ZKSCAN1: variants seen among roughly 807,000 people sequenced by gnomAD.
ZKSCAN1 encodes zinc finger protein with KRAB and SCAN domains 1.
ZKSCAN1 carries 14 observed loss-of-function variants against 51.6 expected under a neutral mutation model. The ratio of observed to expected loss-of-function variants is 0.27; its 90% CI spans 0.18 to 0.42. The LOEUF is 0.42. ZKSCAN1 is among the 10% of genes least tolerant of loss of function. ZKSCAN1 has a pLI of 1.00. For synonymous variants in ZKSCAN1, 263 were observed against 261.5 expected, an observed-to-expected ratio of 1.01 and a Z score of -0.06; for missense variants, 531 against 710.0, an observed-to-expected ratio of 0.75 and a Z score of 2.86.
At chr7:100,017,991 A>G (rs1790440767) in intron 1 of ZKSCAN1, among the ~76,000 whole-genome samples, 1 of 152,234 alleles carries the variant, frequency 6.6e-6, no homozygotes, top group South Asian at 2.1e-4. Flanking sequence ...TGCCTACTAA[A>G]TGCCAGGCAC....
Position 100,029,845 on chromosome 7 carries a change from C to G in ZKSCAN1, c.581-16C>G, listed in dbSNP as rs1330932509. 1.2e-6 allele frequency: 2 copies of G among 1,613,104 alleles called. No homozygotes were observed. The highest frequency in any genetic ancestry group is 2.2e-5 in the South Asian group (2 of 90,978). On this transcript the variant is annotated splice_polypyrimidine_tract_variant and intron_variant, in intron 3 of 5. Transcript: ENST00000324306. The stretch of plus-strand genomic sequence containing the variant: ...AGCGGAGCTGATTTACTCACAGACC[C>G]TTTCTCCTCCCCCAGCTCTTCCTGC...
chr7:100,045,281 C>T (rs956438765), downstream of ZKSCAN1, among the ~76,000 whole-genome samples: 5 of 151,754 alleles, frequency 3.3e-5, no homozygotes, highest in African/African-American at 1.2e-4. Context: ...GGTGCGGTGG[C>T]TCACGCCTGT....
In ZKSCAN1 at chr7:100,036,510, A is replaced by C; in HGVS notation, c.*2313A>C. 1.1e-6 allele frequency: 1 copy of C among 932,040 alleles called. No individual in the cohort carries two copies. Among genetic ancestry groups the C allele is most frequent in the South Asian group, 4.9e-5 (1 of 20,252 alleles). 57.7% of individuals were successfully genotyped at this position (932,040 alleles called of 1,614,324 possible). The stretch of plus-strand genomic sequence containing the variant: ...GGTGAGCGGATCACCTGAGGTCAGG[A>C]GTTTTGAGACCAGCCTGGCCAACAT... On this transcript the variant is annotated 3_prime_UTR_variant, in exon 6 of 6. Coordinates refer to ENST00000324306, the MANE Select transcript of ZKSCAN1 (RefSeq NM_003439.4).
At chr7:100,024,516 C>T in intron 3 of ZKSCAN1, 1 of 605,870 alleles carries the variant, frequency 1.7e-6, no homozygotes. Flanking sequence ...ATTGCTTGAG[C>T]CCAGGAGGTT....
In ZKSCAN1 at chr7:100,024,260, C is replaced by T. The variant is rs1362136260; in HGVS notation, c.533C>T (p.Ser178Phe). The T allele has an allele frequency of 6.2e-7, 1 of 1,614,040 alleles. No homozygotes were observed. Among genetic ancestry groups the T allele is most frequent in the Admixed American group, 1.7e-5 (1 of 59,994 alleles). The change falls in exon 3 of 6, where the codon TCC becomes TTC. Residue 178 changes from serine (S) to phenylalanine (F), a missense_variant. Transcript: ENST00000324306. ...GACCTTCATCACGAGGCCACCCAGTCCCACTTCAAACATTCGTCTCGGAAA... is the reference window on the plus strand; with the variant it reads ...GACCTTCATCACGAGGCCACCCAGTTCCACTTCAAACATTCGTCTCGGAAA... Reference protein sequence around the residue: ...SFDLHHEATQSHFKHSSRKPR... With the variant: ...SFDLHHEATQFHFKHSSRKPR...
In ZKSCAN1 at chr7:100,041,532, TAGTC is replaced by T. The variant is rs144897158; in HGVS notation, c.*7339_*7342del. The T allele has an allele frequency of 3.6e-3, 3,523 of 985,412 alleles. 99 individuals are homozygous for T. In the African/African-American group the frequency reaches 0.058, roughly 16 times the overall value. The allele number at this position is 985,412 out of a possible 1,614,324, so 61.0% of individuals were successfully genotyped here. A position where few individuals can be genotyped will look rare whatever the true frequency, so the allele number is the denominator to read the frequency against. On this transcript the variant is annotated 3_prime_UTR_variant, in exon 6 of 6. Transcript: ENST00000324306. The stretch of plus-strand genomic sequence containing the variant: ...GCATAATGAAATGTGTACACATACA[TAGTC>T]AGTGGTCCATTTTAGGAAGCCAGTG...
At chr7:100,030,121 T>G (rs1385627156) in intron 4 of ZKSCAN1, 128 bp from the exon 5 acceptor site, 1 of 1,472,864 alleles carries the variant, frequency 6.8e-7, no homozygotes, top group Non-Finnish European at 9.3e-7. Context: ...CACCCCCAGG[T>G]TCTGGCCACC....
intron 1 of ZKSCAN1, among the ~76,000 whole-genome samples, chr7:100,017,226 AATTT>A (rs1790406169): frequency 2.6e-5 from 4 of 151,966 alleles, no homozygotes; most frequent in Admixed American, 2.6e-4. Context: ...TTTAAAAAAA[AATTT>A]TTTTTTTTTT....
At chr7:100,031,365 C>A (rs1258231717) in intron 5 of ZKSCAN1, among the ~76,000 whole-genome samples, 1 of 149,678 alleles carries the variant, frequency 6.7e-6, no homozygotes, top group African/African-American at 2.5e-5. Flanking sequence ...GCAGCCTCGA[C>A]CTCTCAGGCT....
At chr7:100,021,116 C>CTTTTTTTTTTTTTTTTTTTTTTTTTTTTT (rs60632908) in intron 1 of ZKSCAN1, among the ~76,000 whole-genome samples, 1 of 85,292 alleles carries the variant, frequency 1.2e-5, no homozygotes, top group African/African-American at 4.3e-5. Context: ...TTTTTTTTTC[C>CTTTTTTTTTTTTTTTTTTTTTTTTTTTTT]TTTTTTTTTT....
intron 1 of ZKSCAN1, among the ~76,000 whole-genome samples, chr7:100,022,560 A>G (rs936950104): frequency 1.3e-5 from 2 of 152,170 alleles, no homozygotes; most frequent in South Asian, 4.1e-4. Flanking sequence ...ATCATCTTGT[A>G]CTTTGGAAAC....
chr7:100,036,728 A>G lies in ZKSCAN1; in HGVS notation c.*2531A>G. On this transcript the variant is annotated 3_prime_UTR_variant, in exon 6 of 6. Coordinates refer to ENST00000324306, the MANE Select transcript of ZKSCAN1 (RefSeq NM_003439.4). ...AAAACTCCATCTCAAAAAAAAAAAA[A>G]AGAAAGAAAGAAACTGAAAAGTGAG... is the stretch of plus-strand genomic sequence containing the variant. 1 of 981,714 alleles carries G rather than the reference A, an allele frequency of 1.0e-6. No homozygotes were observed. The highest frequency in any genetic ancestry group is 1.8e-5 in the African/African-American group (1 of 56,600). 60.8% of individuals were successfully genotyped at this position (981,714 alleles called of 1,614,324 possible).
In ZKSCAN1 at chr7:100,035,483, A is replaced by C. The variant is rs534255837; in HGVS notation, c.*1286A>C. 3.9e-5 allele frequency: 6 copies of C among 152,148 alleles called. No homozygotes were observed. Among genetic ancestry groups the C allele is most frequent in the Admixed American group, 1.3e-4 (2 of 15,260 alleles). The allele number at this position is 152,148 out of a possible 1,614,324, so 9.4% of individuals were successfully genotyped here. ...AATTCTTTGCAGTTAGCTGCTGAAC[A>C]GTATGATGATTTGGGGATTTTCTGA... On this transcript the variant is annotated 3_prime_UTR_variant, in exon 6 of 6. Transcript: ENST00000324306.
In ZKSCAN1 at chr7:100,038,179, G is replaced by A; in HGVS notation, c.*3982G>A. The A allele has an allele frequency of 1.0e-6, 1 of 985,368 alleles. No homozygotes were observed. The allele number at this position is 985,368 out of a possible 1,614,324, so 61.0% of individuals were successfully genotyped here. Reference sequence around the variant, plus strand: ...TCTATATATTTTATATGACCATAATGTCCGTGTGTGTTTTGTACCTTCAGT... The same window carrying A: ...TCTATATATTTTATATGACCATAATATCCGTGTGTGTTTTGTACCTTCAGT... On this transcript the variant is annotated 3_prime_UTR_variant, in exon 6 of 6. Transcript: ENST00000324306.
chr7:100,033,822 C>T lies in ZKSCAN1; in HGVS notation c.1317C>T (p.Gly439=), dbSNP rs776229204. 6.2e-7 allele frequency: 1 copy of T among 1,614,202 alleles called. No homozygotes were observed. The highest frequency in any genetic ancestry group is 8.5e-7 in the Non-Finnish European group (1 of 1,180,036). The change falls in exon 6 of 6, where the codon GGC becomes GGT. Residue 439 remains glycine (G), a synonymous_variant. Coordinates refer to ENST00000324306, the MANE Select transcript of ZKSCAN1 (RefSeq NM_003439.4). The surrounding 1 kb of genome is among the most constrained non-coding windows in gnomAD (Gnocchi z 4.1). The part of the protein sequence containing the change: ...GEKPHECNEC[G]KAFSHSSNLI... Reference sequence around the variant, plus strand: ...AACCTCATGAATGTAACGAGTGTGGCAAGGCCTTCAGCCACAGTTCCAATC... The same window carrying T: ...AACCTCATGAATGTAACGAGTGTGGTAAGGCCTTCAGCCACAGTTCCAATC...
downstream of ZKSCAN1, among the ~76,000 whole-genome samples, chr7:100,044,541 C>T (rs891368249): frequency 1.3e-5 from 2 of 151,810 alleles, no homozygotes; most frequent in Non-Finnish European, 2.9e-5. Context: ...ATTAGCCAGG[C>T]GTGGTGGCGG....
Position 100,023,487 on chromosome 7 carries a change from A to C in ZKSCAN1, c.-20A>C, listed in dbSNP as rs1790676829. Reference sequence around the variant, plus strand: ...GTGAGCACAGACCCTGTTTGGATCAAGTCAGTTCCTGGAGCCTGAATGATG... The same window carrying C: ...GTGAGCACAGACCCTGTTTGGATCACGTCAGTTCCTGGAGCCTGAATGATG... On this transcript the variant is annotated 5_prime_UTR_variant, in exon 2 of 6. Transcript: ENST00000324306. The C allele has an allele frequency of 6.3e-7, 1 of 1,597,802 alleles. No individual in the cohort carries two copies. The highest frequency in any genetic ancestry group is 1.3e-5 in the African/African-American group (1 of 74,462).
At chr7:100,019,827 G>A (rs554076005) in intron 1 of ZKSCAN1, among the ~76,000 whole-genome samples, 7 of 151,894 alleles carry the variant, frequency 4.6e-5, no homozygotes, top group African/African-American at 1.5e-4. Context: ...TCAGCCTCCC[G>A]AGTAGCTGGG....
chr7:100,028,312 A>G (rs1243154041), intron 3 of ZKSCAN1, among the ~76,000 whole-genome samples: 1 of 151,876 alleles, frequency 6.6e-6, no homozygotes, highest in East Asian at 1.9e-4. Context: ...AGATCGCGCC[A>G]TGCACACCAG....
Sources: allele counts gnomAD v4.1 joint callset (sites outside exome capture counted in the v4.1 genomes callset), GRCh38; gene constraint gnomAD v4.1.1; non-coding constraint Gnocchi (gnomAD v3.1); transcripts MANE v1.5; gene names NCBI Gene and HGNC (gene_info 2026-07-23, HGNC 2026-07-21).